Variants in TAS2R1 observed in about 807,000 individuals in gnomAD.
TAS2R1 encodes taste receptor type 2 member 1.
For synonymous variants in TAS2R1, 141 were observed against 134.2 expected (o/e 1.05, Z -0.35); for missense variants, 370 against 353.4 (o/e 1.05, Z -0.38).
At chr5:9,843,091 T>A in the TAS2R1 span, among the ~76,000 whole-genome samples, 1 of 152,126 alleles carries the variant, frequency 6.6e-6, no homozygotes, top group African/African-American at 2.4e-5. Context: ...TATGCAGGAC[T>A]CTTTTCCTGT....
chr5:9,797,750 T>G, the TAS2R1 span, among the ~76,000 whole-genome samples: 1 of 152,194 alleles, frequency 6.6e-6, no homozygotes, highest in Admixed American at 6.5e-5. Flanking sequence ...GCAGGCTGTT[T>G]TTAGCTTAAT....
At chr5:9,804,235 T>G in the TAS2R1 span, among the ~76,000 whole-genome samples, 1 of 152,136 alleles carries the variant, frequency 6.6e-6, no homozygotes, top group East Asian at 1.9e-4. Flanking sequence ...GCTCCCAAAT[T>G]TATAAAACAA....
the TAS2R1 span, among the ~76,000 whole-genome samples, chr5:9,822,067 C>G: frequency 6.6e-6 from 1 of 152,184 alleles, no homozygotes; most frequent in Non-Finnish European, 1.5e-5. Flanking sequence ...TGTAATCACA[C>G]TACATTTTTG....
At chr5:9,888,785 G>A in the TAS2R1 span, among the ~76,000 whole-genome samples, 1 of 152,192 alleles carries the variant, frequency 6.6e-6, no homozygotes, top group Admixed American at 6.5e-5. Flanking sequence ...TCACAGAGGA[G>A]GCAAGGGTGA....
the TAS2R1 span, among the ~76,000 whole-genome samples, chr5:9,785,823 C>A: frequency 2.0e-5 from 3 of 152,292 alleles, no homozygotes; most frequent in South Asian, 6.2e-4. Flanking sequence ...ACCTCCCACA[C>A]CCATCACTCT....
the TAS2R1 span, among the ~76,000 whole-genome samples, chr5:9,869,902 C>T: frequency 2.6e-5 from 4 of 152,186 alleles, no homozygotes; most frequent in African/African-American, 9.6e-5. Flanking sequence ...CAAGATAGAA[C>T]AACTAGAGTG....
At chr5:9,705,330 T>C (rs1741579160) in intron 1 of TAS2R1, among the ~76,000 whole-genome samples, 1 of 152,234 alleles carries the variant, frequency 6.6e-6, no homozygotes, top group Non-Finnish European at 1.5e-5. Flanking sequence ...TATGCTCCTT[T>C]GTCATCTTTA....
At chr5:9,903,349 T>A in the TAS2R1 span, among the ~76,000 whole-genome samples, 1 of 151,984 alleles carries the variant, frequency 6.6e-6, no homozygotes, top group African/African-American at 2.4e-5. Context: ...TTCCAATAGG[T>A]TTTTGGGGAA....
intron 1 of TAS2R1, among the ~76,000 whole-genome samples, chr5:9,671,354 CT>C (rs896626179): frequency 2.0e-5 from 3 of 152,264 alleles, no homozygotes; most frequent in Admixed American, 2.0e-4. Flanking sequence ...GTCAAACTAT[CT>C]CTGTTGACAG....
the TAS2R1 span, chr5:9,760,949 C>G: frequency 6.6e-6 from 1 of 152,224 alleles, no homozygotes; most frequent in Non-Finnish European, 1.5e-5. Flanking sequence ...GCTCGTCGAT[C>G]TCCGAAGCTA....
the TAS2R1 span, among the ~76,000 whole-genome samples, chr5:9,839,838 A>C: frequency 6.6e-6 from 1 of 152,018 alleles, no homozygotes; most frequent in Non-Finnish European, 1.5e-5. Context: ...CCTGCCTTCC[A>C]TATTTAACTA....
At chr5:9,762,061 G>A in the TAS2R1 span, among the ~76,000 whole-genome samples, 2 of 151,918 alleles carry the variant, frequency 1.3e-5, no homozygotes, top group Non-Finnish European at 2.9e-5. Flanking sequence ...AAGACAAAAG[G>A]GCTCACCAAA....
At chr5:9,674,125 T>C (rs971152943) in intron 1 of TAS2R1, among the ~76,000 whole-genome samples, 1 of 152,230 alleles carries the variant, frequency 6.6e-6, no homozygotes, top group Non-Finnish European at 1.5e-5. Context: ...ATACAGAGAT[T>C]GAACATAGAC....
At chr5:9,732,208 G>A in the TAS2R1 span, among the ~76,000 whole-genome samples, 3 of 152,186 alleles carry the variant, frequency 2.0e-5, no homozygotes, top group Non-Finnish European at 4.4e-5. Flanking sequence ...GAAGCAGCAA[G>A]AGCCAAGGCC....
chr5:9,858,107 G>T, the TAS2R1 span, among the ~76,000 whole-genome samples: 1 of 152,088 alleles, frequency 6.6e-6, no homozygotes, highest in Non-Finnish European at 1.5e-5. Flanking sequence ...GTCTGAATCT[G>T]TGGGGGCTGA....
the TAS2R1 span, among the ~76,000 whole-genome samples, chr5:9,847,212 T>G: frequency 6.6e-6 from 1 of 152,262 alleles, no homozygotes; most frequent in African/African-American, 2.4e-5. Context: ...CTTATCATAT[T>G]CATATCATAT....
the TAS2R1 span, among the ~76,000 whole-genome samples, chr5:9,857,585 AAAAT>A: frequency 6.6e-6 from 1 of 152,226 alleles, no homozygotes; most frequent in African/African-American, 2.4e-5. Context: ...AAGTTGAAGG[AAAAT>A]AAATAAATTT....
At chr5:9,663,260 A>G (rs187367246) in intron 1 of TAS2R1, among the ~76,000 whole-genome samples, 9 of 152,340 alleles carry the variant, frequency 5.9e-5, no homozygotes, top group Admixed American at 5.9e-4. Flanking sequence ...CTGAATCACT[A>G]CAATCTCCAA....
At chr5:9,681,933 C>T (rs1044392121) in intron 1 of TAS2R1, among the ~76,000 whole-genome samples, 8 of 152,150 alleles carry the variant, frequency 5.3e-5, no homozygotes, top group African/African-American at 1.9e-4. Flanking sequence ...TAGAATTTAG[C>T]TCTCCTTAAG....
Sources: allele counts gnomAD v4.1 joint callset (sites outside exome capture counted in the v4.1 genomes callset), GRCh38; gene constraint gnomAD v4.1.1; transcripts MANE v1.5; gene names NCBI Gene and HGNC (gene_info 2026-07-23, HGNC 2026-07-21).